The following DNAJC1 variants were observed in gnomAD, a reference collection of about 807,000 sequenced individuals.
The protein encoded by DNAJC1 is dnaJ homolog subfamily C member 1.
Under a neutral mutation model 76.6 loss-of-function variants are expected in DNAJC1, and 58 were observed. The observed-to-expected ratio is 0.76, with a 90% CI of 0.61 to 0.94. DNAJC1 has a LOEUF of 0.94. Ranked by LOEUF, DNAJC1 falls within the 40% of genes least tolerant of loss-of-function variation. DNAJC1 has a pLI of 0.00. For missense variants in DNAJC1, 689 were observed against 677.3 expected (o/e 1.02, Z -0.19); for synonymous variants, 258 against 267.9 (o/e 0.96, Z 0.36).
chr10:21,850,034 A>C (rs374697552), intron 8 of DNAJC1, among the ~76,000 whole-genome samples: 113 of 152,292 alleles, frequency 7.4e-4, no homozygotes, highest in African/African-American at 2.5e-3. Flanking sequence ...AAAAGACTAA[A>C]AACTTTCCCG....
At chr10:21,772,233 G>A (rs985729372) in intron 9 of DNAJC1, among the ~76,000 whole-genome samples, 5 of 146,498 alleles carry the variant, frequency 3.4e-5, no homozygotes, top group African/African-American at 1.0e-4. Flanking sequence ...AGGTAATACT[G>A]CCATCATAAA....
intron 8 of DNAJC1, among the ~76,000 whole-genome samples, chr10:21,846,298 G>C (rs906859709): frequency 2.2e-4 from 33 of 152,118 alleles, no homozygotes; most frequent in African/African-American, 8.0e-4. Flanking sequence ...TCTGAAGGTA[G>C]ATACCTGCTA....
chr10:21,831,079 A>C (rs1345033660), intron 8 of DNAJC1, among the ~76,000 whole-genome samples: 1 of 152,188 alleles, frequency 6.6e-6, no homozygotes, highest in Non-Finnish European at 1.5e-5. Context: ...TATGAGTTTT[A>C]ATAGTGGGCA....
rs1418757295 is a variant in DNAJC1, at chr10:21,917,352, A to G, written c.729+1427T>C. 3.9e-5 allele frequency among the ~76,000 whole-genome samples: 6 copies of G among 152,150 alleles called. No homozygotes were observed. The East Asian group carries it at 1.2e-3, about 29-fold the overall frequency. ...GCTAAACAAGAAATATGTTAATTTTACCAAATAAATTTTATTTCAAATTAG... is the reference window on the plus strand; with the variant it reads ...GCTAAACAAGAAATATGTTAATTTTGCCAAATAAATTTTATTTCAAATTAG... On this transcript the variant is annotated intron_variant, in intron 6 of 11. Coordinates refer to ENST00000376980, the MANE Select transcript of DNAJC1 (RefSeq NM_022365.4).
intron 8 of DNAJC1, among the ~76,000 whole-genome samples, chr10:21,810,608 T>C (rs1163441005): frequency 1.3e-5 from 2 of 152,216 alleles, no homozygotes; most frequent in Non-Finnish European, 2.9e-5. Context: ...CCCATGGACG[T>C]ACTGCTTCCC....
intron 9 of DNAJC1, chr10:21,803,886 A>AC: frequency 6.1e-6 from 6 of 983,524 alleles, no homozygotes; most frequent in Non-Finnish European, 7.2e-6. Context: ...AACCCAAAAA[A>AC]CAAAAAAAAA....
chr10:21,944,520 T>C (rs1837472602), intron 1 of DNAJC1, among the ~76,000 whole-genome samples: 1 of 152,150 alleles, frequency 6.6e-6, no homozygotes, highest in Non-Finnish European at 1.5e-5. Flanking sequence ...TAACTGATCA[T>C]GGTAGTTTCC....
intron 7 of DNAJC1, among the ~76,000 whole-genome samples, chr10:21,902,696 G>C (rs886324780): frequency 6.6e-6 from 1 of 152,130 alleles, no homozygotes; most frequent in Non-Finnish European, 1.5e-5. Flanking sequence ...AGTTAACTCC[G>C]AAAGGAGCTT....
At chr10:21,839,609 A>G (rs1308545864) in intron 8 of DNAJC1, among the ~76,000 whole-genome samples, 2 of 152,216 alleles carry the variant, frequency 1.3e-5, no homozygotes, top group African/African-American at 4.8e-5. Context: ...GCAATAATCA[A>G]TAGCTTACCA....
intron 1 of DNAJC1, among the ~76,000 whole-genome samples, chr10:21,990,796 T>A (rs888919283): frequency 6.6e-6 from 1 of 152,228 alleles, no homozygotes; most frequent in Non-Finnish European, 1.5e-5. Flanking sequence ...CCAGTACAAT[T>A]TCCTGGATGT....
chr10:21,954,506 G>A (rs750339920), intron 1 of DNAJC1, among the ~76,000 whole-genome samples: 3 of 152,056 alleles, frequency 2.0e-5, no homozygotes, highest in Admixed American at 6.6e-5. Flanking sequence ...AGGCAGCATC[G>A]CCCCAAACGT....
At chr10:21,788,125 G>C (rs1834635187) in intron 9 of DNAJC1, among the ~76,000 whole-genome samples, 1 of 152,224 alleles carries the variant, frequency 6.6e-6, no homozygotes, top group African/African-American at 2.4e-5. Flanking sequence ...CCTTGGGCTG[G>C]AGCTTAAGCA....
chr10:22,003,688 C>A lies in DNAJC1; in HGVS notation c.-254G>T. On this transcript the variant is annotated 5_prime_UTR_variant, in exon 1 of 12. Transcript: ENST00000376980. ...CCGAAGACCCTCGCCCCCAGGCCTA[C>A]ACACAGCTGTAGAGGCAGCGCCCGG... 2.6e-6 allele frequency: 1 copy of A among 388,086 alleles called. No homozygotes were observed. The highest frequency in any genetic ancestry group is 4.5e-6 in the Non-Finnish European group (1 of 223,378). 24.0% of individuals were successfully genotyped at this position (388,086 alleles called of 1,614,324 possible).
chr10:21,757,277 T>C (rs1054307914), intron 11 of DNAJC1, among the ~76,000 whole-genome samples: 8 of 152,124 alleles, frequency 5.3e-5, no homozygotes, highest in Non-Finnish European at 1.2e-4. Context: ...CCCTACAGGC[T>C]GCAGAGCCGC....
chr10:21,993,738 C>G (rs889716153), intron 1 of DNAJC1, among the ~76,000 whole-genome samples: 1 of 152,128 alleles, frequency 6.6e-6, no homozygotes, highest in East Asian at 1.9e-4. Context: ...CTCTGCCACT[C>G]GGTTTTAACT....
chr10:21,987,998 T>C (rs1419444562), intron 1 of DNAJC1, among the ~76,000 whole-genome samples: 1 of 152,188 alleles, frequency 6.6e-6, no homozygotes, highest in African/African-American at 2.4e-5. Flanking sequence ...TGTTGCTATG[T>C]AGTTTTCACA....
chr10:21,772,576 C>A (rs913329016), intron 9 of DNAJC1, among the ~76,000 whole-genome samples: 2 of 151,996 alleles, frequency 1.3e-5, no homozygotes, highest in African/African-American at 4.8e-5. Flanking sequence ...ATAAGATTGG[C>A]AGTAATGTCC....
At chr10:21,949,927 T>C (rs1325660272) in intron 1 of DNAJC1, among the ~76,000 whole-genome samples, 2 of 152,102 alleles carry the variant, frequency 1.3e-5, no homozygotes, top group Middle Eastern at 6.3e-3. Context: ...TTTGCTTCAG[T>C]TTTTGCTTAA....
chr10:21,865,544 C>T (rs1341412839), intron 8 of DNAJC1: 1 of 152,062 alleles, frequency 6.6e-6, no homozygotes, highest in Admixed American at 6.6e-5. Context: ...AAGCAGATCA[C>T]TGGTTGCCTG....
Sources: gnomAD v4.1 joint callset for allele counts (sites outside exome capture counted in the v4.1 genomes callset) on GRCh38, gnomAD v4.1.1 for gene constraint, MANE v1.5 for transcripts, NCBI Gene and HGNC (gene_info 2026-07-23, HGNC 2026-07-21) for gene names.